The following ERMP1 variants were observed in gnomAD, a reference collection of about 807,000 sequenced individuals.
ERMP1 encodes the protein Felix-ina.
A neutral mutation model predicts 92.0 loss-of-function variants in ERMP1; 86 were observed. The ratio of observed to expected loss-of-function variants is 0.93; its 90% CI spans 0.79 to 1.12. The LOEUF (loss-of-function observed/expected upper bound fraction) is 1.12, where lower values mean the gene tolerates loss of function less well. Among genes scored for constraint, ERMP1 ranks in the 50% most tolerant of loss-of-function variants. The pLI, the probability that ERMP1 is intolerant of heterozygous loss-of-function variation, is 0.00. For missense variants in ERMP1, 1,342 were observed against 1,116.3 expected (o/e 1.20, Z -2.88); for synonymous variants, 530 against 412.8 (o/e 1.28, Z -3.44).
At chr9:5,816,162 A>G (rs1348971833) in intron 4 of ERMP1, among the ~76,000 whole-genome samples, 1 of 152,208 alleles carries the variant, frequency 6.6e-6, no homozygotes, top group African/African-American at 2.4e-5. Flanking sequence ...TCACCTTACA[A>G]TAATTAAGTT....
chr9:5,788,106 G>A (rs1201915134), intron 13 of ERMP1, among the ~76,000 whole-genome samples: 1 of 152,314 alleles, frequency 6.6e-6, no homozygotes, highest in Non-Finnish European at 1.5e-5. Flanking sequence ...GGAAACTGAT[G>A]ACAGTGGAAG....
At chr9:5,831,717 T>G (rs1435869825) in intron 1 of ERMP1, among the ~76,000 whole-genome samples, 4 of 152,154 alleles carry the variant, frequency 2.6e-5, no homozygotes, top group Non-Finnish European at 5.9e-5. Context: ...CAGAAACCAA[T>G]GAGCAAAAAT....
At chr9:5,800,497 G>A (rs1045890201) in intron 11 of ERMP1, among the ~76,000 whole-genome samples, 9 of 152,122 alleles carry the variant, frequency 5.9e-5, no homozygotes, top group African/African-American at 2.2e-4. Context: ...CCAACGTAGT[G>A]AAACCCTGTC....
upstream of ERMP1, among the ~76,000 whole-genome samples, chr9:5,837,732 T>C (rs1052792937): frequency 5.3e-5 from 8 of 152,212 alleles, no homozygotes; most frequent in South Asian, 2.1e-4. Context: ...AACGCCTCAA[T>C]AGAAAAACAT....
Position 5,784,863 on chromosome 9 carries a change from C to G in ERMP1, c.*2281G>C, listed in dbSNP as rs978877344. The stretch of plus-strand genomic sequence containing the variant: ...TTTTCCCTGAATATGCAGTACTGTA[C>G]TACTAACATCTAATTCTGTAGAAAA... On this transcript the variant is annotated 3_prime_UTR_variant, in exon 15 of 15. Transcript: ENST00000339450. 4 of 152,498 alleles carry G rather than the reference C, an allele frequency of 2.6e-5. No individual in the cohort carries two copies. Among genetic ancestry groups the G allele is most frequent in the Non-Finnish European group, 5.9e-5 (4 of 68,034 alleles). The allele number at this position is 152,498 out of a possible 1,614,324, so 9.4% of individuals were successfully genotyped here.
chr9:5,801,053 A>T, intron 11 of ERMP1, 123 bp downstream of exon 11: 1 of 922,672 alleles, frequency 1.1e-6, no homozygotes, highest in South Asian at 1.9e-5. Flanking sequence ...CACACAAAAA[A>T]GGTGAGTATG....
At position 5,825,158 on chromosome 9, in the gene ERMP1, T is replaced by C. The variant is rs780090254; in HGVS notation, c.702A>G (p.Thr234=). The change falls in exon 3 of 15, where the codon ACA becomes ACG. Residue 234 remains threonine (T), a synonymous_variant. Transcript: ENST00000339450. ...CAGCATGATGCAAGGCTTCTGAAGA[T>C]GTTGACAAGACGCGAAGGACTTCCA... ...VMLEVLRVLS[T]SSEALHHAVI... The C allele has an allele frequency of 1.4e-5, 22 of 1,614,006 alleles. 1 individual carries two copies. The Admixed American group carries it at 1.7e-4, about 12-fold the overall frequency.
intron 5 of ERMP1, among the ~76,000 whole-genome samples, chr9:5,861,934 G>C (rs143932893): frequency 3.3e-4 from 50 of 151,868 alleles, no homozygotes; most frequent in African/African-American, 1.2e-3. Context: ...ATCAGGGGCT[G>C]TCCCTCTAGA....
upstream of ERMP1, among the ~76,000 whole-genome samples, chr9:5,835,360 G>GCGCGC (rs1302977350): frequency 1.3e-5 from 2 of 151,552 alleles, no homozygotes; most frequent in African/African-American, 4.9e-5. Flanking sequence ...ACGCGCGCGC[G>GCGCGC]CATGTGTGTG....
intron 5 of ERMP1, among the ~76,000 whole-genome samples, chr9:5,865,386 T>A (rs921100740): frequency 1.3e-5 from 2 of 152,024 alleles, no homozygotes; most frequent in Non-Finnish European, 2.9e-5. Context: ...CAGGCGCCTG[T>A]AGTCCCAGCT....
At chr9:5,821,600 A>G (rs1215329355) in intron 4 of ERMP1, among the ~76,000 whole-genome samples, 1 of 152,218 alleles carries the variant, frequency 6.6e-6, no homozygotes, top group Non-Finnish European at 1.5e-5. Context: ...CGGACTACAC[A>G]TATGTAAAAT....
chr9:5,832,530 G>A (rs1010469178), intron 1 of ERMP1, 160 bp downstream of exon 1: 29 of 536,154 alleles, frequency 5.4e-5, no homozygotes, highest in Non-Finnish European at 7.1e-5. Flanking sequence ...GACCCCAGAA[G>A]AAGGACAAGC....
At chr9:5,865,511 AAATAATAAT>A (rs58367366) in intron 5 of ERMP1, among the ~76,000 whole-genome samples, 6 of 142,256 alleles carry the variant, frequency 4.2e-5, no homozygotes, top group East Asian at 2.1e-4. Context: ...CCATCTCAAA[AAATAATAAT>A]AATAATAATA....
Position 5,832,489 on chromosome 9 carries a change from G to C in ERMP1, c.338+201C>G, listed in dbSNP as rs944809092. The C allele has an allele frequency of 1.5e-5, 7 of 478,000 alleles. No individual in the cohort carries two copies. The South Asian group carries it at 1.5e-4, about 10-fold the overall frequency. The allele number at this position is 478,000 out of a possible 1,614,324, so 29.6% of individuals were successfully genotyped here. On this transcript the variant is annotated intron_variant, in intron 1 of 14. Transcript: ENST00000339450. ...CAATCTGCACCACGAGCTTAACCGGGGACAGGCAAGCCCCAAGTCCCGGCA... is the reference window on the plus strand; with the variant it reads ...CAATCTGCACCACGAGCTTAACCGGCGACAGGCAAGCCCCAAGTCCCGGCA...
At chr9:5,864,799 T>G (rs1438867205) in intron 5 of ERMP1, among the ~76,000 whole-genome samples, 1 of 152,226 alleles carries the variant, frequency 6.6e-6, no homozygotes, top group Non-Finnish European at 1.5e-5. Context: ...GGAGGTGTCT[T>G]GCAGAGTTCT....
intron 4 of ERMP1, 115 bp from the exon 5 acceptor site, chr9:5,813,150 A>G (rs1286812135): frequency 1.0e-6 from 1 of 978,494 alleles, no homozygotes; most frequent in East Asian, 2.5e-5. Context: ...GACGGGTCCA[A>G]TATGTACCTT....
At chr9:5,850,715 T>C (rs980052003) in intron 6 of ERMP1, among the ~76,000 whole-genome samples, 3 of 152,174 alleles carry the variant, frequency 2.0e-5, no homozygotes, top group Non-Finnish European at 4.4e-5. Flanking sequence ...GCCAGGCAAT[T>C]GTATAATTTT....
chr9:5,840,556 G>A (rs1830150141), intron 6 of ERMP1, among the ~76,000 whole-genome samples: 1 of 152,192 alleles, frequency 6.6e-6, no homozygotes, highest in Non-Finnish European at 1.5e-5. Context: ...CAGAAAGACT[G>A]CATAGCACCT....
At chr9:5,828,234 C>G (rs997754366) in intron 2 of ERMP1, among the ~76,000 whole-genome samples, 1 of 152,194 alleles carries the variant, frequency 6.6e-6, no homozygotes, top group Non-Finnish European at 1.5e-5. Flanking sequence ...ACATTTGGCA[C>G]TATGTTTGTA....
Sources: gnomAD v4.1 joint callset for allele counts (sites outside exome capture counted in the v4.1 genomes callset) on GRCh38, gnomAD v4.1.1 for gene constraint, MANE v1.5 for transcripts, NCBI Gene and HGNC (gene_info 2026-07-23, HGNC 2026-07-21) for gene names.